ITGA9: variants seen among roughly 807,000 people sequenced by gnomAD.
ITGA9 encodes the protein integrin subunit alpha 9.
In ITGA9, 56 loss-of-function variants were observed where a neutral mutation model predicts 127.8. The observed-to-expected ratio is 0.44, with a 90% CI of 0.35 to 0.55. ITGA9 has a LOEUF of 0.55. ITGA9 is among the 20% of genes least tolerant of loss of function. ITGA9 has a pLI of 0.00. For synonymous variants in ITGA9, 508 were observed against 514.5 expected, an observed-to-expected ratio of 0.99 and a Z score of 0.17; for missense variants, 1,196 against 1,347.1, an observed-to-expected ratio of 0.89 and a Z score of 1.76.
At chr3:37,804,493 T>G (rs1697270573) in intron 27 of ITGA9, among the ~76,000 whole-genome samples, 1 of 152,162 alleles carries the variant, frequency 6.6e-6, no homozygotes, top group Non-Finnish European at 1.5e-5. Flanking sequence ...GAGAAAGGGG[T>G]GTCCTCATCC....
intron 18 of ITGA9, among the ~76,000 whole-genome samples, chr3:37,732,462 C>T (rs1412827081): frequency 6.6e-6 from 1 of 152,124 alleles, no homozygotes. Context: ...ACCAGGACTG[C>T]CCTAGGGTTT....
Position 37,533,337 on chromosome 3 carries a change from A to G in ITGA9, c.1397A>G (p.Asp466Gly), listed in dbSNP as rs771197812. The change falls in exon 14 of 28, where the codon GAT (aspartate) becomes GGT (glycine). Residue 466 changes from aspartate (D) to glycine (G), a missense_variant. By Grantham distance (94) the Asp-to-Gly change is moderately conservative. Transcript: ENST00000264741. ...LLRARPVITV[D>G]VSIFLPGSIN... ...AGAGCAAGGCCTGTCATTACGGTGG[A>G]TGTCTCCATCTTCCTCCCGGGCTCC... The G allele has an allele frequency of 3.0e-5, 49 of 1,614,158 alleles. No homozygotes were observed. In the South Asian group the frequency reaches 5.2e-4, roughly 17 times the overall value.
intron 26 of ITGA9, among the ~76,000 whole-genome samples, chr3:37,786,459 T>G (rs899751351): frequency 1.3e-5 from 2 of 152,114 alleles, no homozygotes; most frequent in African/African-American, 4.8e-5. Context: ...CCAGTCGTGG[T>G]GGTAGGCTCT....
At chr3:37,753,470 C>T (rs77800118) in intron 23 of ITGA9, among the ~76,000 whole-genome samples, 2,876 of 152,284 alleles carry the variant, frequency 0.019, 86 homozygotes, top group African/African-American at 0.065. Context: ...ACCAAGAGAA[C>T]AGGTGAAGAA....
chr3:37,617,232 G>A (rs1054290040), intron 15 of ITGA9, among the ~76,000 whole-genome samples: 4 of 152,118 alleles, frequency 2.6e-5, no homozygotes, highest in African/African-American at 9.7e-5. Context: ...AGCTTAGTTT[G>A]GCTGGATATG....
At chr3:37,608,986 G>A (rs748851941) in intron 15 of ITGA9, among the ~76,000 whole-genome samples, 4 of 152,154 alleles carry the variant, frequency 2.6e-5, no homozygotes, top group Admixed American at 6.5e-5. Context: ...CTGCAGTAAA[G>A]TATGGGTCAA....
intron 5 of ITGA9, among the ~76,000 whole-genome samples, chr3:37,495,595 C>A (rs923150481): frequency 6.6e-6 from 1 of 152,160 alleles, no homozygotes; most frequent in Non-Finnish European, 1.5e-5. Context: ...CTATTACAAT[C>A]GCCTCCATTA....
chr3:37,756,127 C>T (rs1432129699), intron 23 of ITGA9, among the ~76,000 whole-genome samples: 1 of 150,650 alleles, frequency 6.6e-6, no homozygotes, highest in African/African-American at 2.5e-5. Flanking sequence ...GTAAGAAATA[C>T]ACCTTCAAAG....
intron 18 of ITGA9, among the ~76,000 whole-genome samples, chr3:37,719,904 G>A (rs1701173464): frequency 6.6e-6 from 1 of 152,188 alleles, no homozygotes; most frequent in African/African-American, 2.4e-5. Context: ...TACTCACACA[G>A]GAAATATCTC....
chr3:37,543,455 T>C (rs781487740), intron 15 of ITGA9, among the ~76,000 whole-genome samples: 5 of 152,168 alleles, frequency 3.3e-5, no homozygotes, highest in Non-Finnish European at 5.9e-5. Flanking sequence ...AGTCCTTACC[T>C]TGAAAGGTGG....
chr3:37,770,569 A>G (rs1287020047), intron 23 of ITGA9, among the ~76,000 whole-genome samples: 1 of 152,174 alleles, frequency 6.6e-6, no homozygotes, highest in East Asian at 1.9e-4. Context: ...CTGGAAAGTA[A>G]CAGCTCTTGA....
chr3:37,601,045 T>A (rs1483262434), intron 15 of ITGA9, among the ~76,000 whole-genome samples: 1 of 152,226 alleles, frequency 6.6e-6, no homozygotes, highest in African/African-American at 2.4e-5. Flanking sequence ...ACTTAGGGTG[T>A]GGCTTTCCCC....
At chr3:37,555,495 G>A (rs1188357554) in intron 15 of ITGA9, among the ~76,000 whole-genome samples, 3 of 152,202 alleles carry the variant, frequency 2.0e-5, no homozygotes, top group African/African-American at 7.2e-5. Flanking sequence ...TGTGGCTAGT[G>A]GCTACCATGT....
rs1204370690 is a variant in ITGA9, at chr3:37,820,895, CA to C, written c.*1911del. On this transcript the variant is annotated 3_prime_UTR_variant, in exon 28 of 28. Transcript: ENST00000264741. ...CACGTTGGGAGTCCGTGAACATTGT[CA>C]AAAAGACATCAAACTCAACTTCTGG... 2.0e-5 allele frequency: 3 copies of C among 152,168 alleles called. No individual in the cohort carries two copies. Among genetic ancestry groups the C allele is most frequent in the African/African-American group, 4.8e-5 (2 of 41,430 alleles). The allele number at this position is 152,168 out of a possible 1,614,324, so 9.4% of individuals were successfully genotyped here. A position where few individuals can be genotyped will look rare whatever the true frequency, so the allele number is the denominator to read the frequency against.
At chr3:37,657,500 G>A (rs562083549) in intron 17 of ITGA9, among the ~76,000 whole-genome samples, 1 of 152,176 alleles carries the variant, frequency 6.6e-6, no homozygotes, top group Admixed American at 6.5e-5. Context: ...AGTATTCTCT[G>A]ATGGTAGTTT....
chr3:37,711,927 C>T (rs1291343968), intron 18 of ITGA9, among the ~76,000 whole-genome samples: 3 of 152,178 alleles, frequency 2.0e-5, no homozygotes, highest in African/African-American at 4.8e-5. Flanking sequence ...TCCAGTAAGC[C>T]TGAGCAGCCC....
chr3:37,646,546 G>A (rs746712202), intron 16 of ITGA9, among the ~76,000 whole-genome samples: 2 of 152,226 alleles, frequency 1.3e-5, no homozygotes, highest in Non-Finnish European at 2.9e-5. Flanking sequence ...GTTGTCTCCC[G>A]AGAGAAAGGT....
At chr3:37,751,966 A>G (rs1334170212) in intron 23 of ITGA9, among the ~76,000 whole-genome samples, 1 of 152,214 alleles carries the variant, frequency 6.6e-6, no homozygotes, top group East Asian at 1.9e-4. Context: ...CATCTCACTA[A>G]GCAAGTAGGA....
intron 15 of ITGA9, among the ~76,000 whole-genome samples, chr3:37,593,717 G>A (rs1369620547): frequency 6.6e-6 from 1 of 152,230 alleles, no homozygotes; most frequent in Non-Finnish European, 1.5e-5. Flanking sequence ...TCAGTCCACG[G>A]CATCCAGTGG....
Sources: allele counts gnomAD v4.1 joint callset (sites outside exome capture counted in the v4.1 genomes callset), GRCh38; gene constraint gnomAD v4.1.1; transcripts MANE v1.5; gene names NCBI Gene and HGNC (gene_info 2026-07-23, HGNC 2026-07-21).